SLC24A2: variants seen among roughly 807,000 people sequenced by gnomAD.
SLC24A2 encodes the protein sodium/potassium/calcium exchanger 2.
SLC24A2 carries 36 observed loss-of-function variants against 62.0 expected under a neutral mutation model. That is an observed-to-expected ratio of 0.58 (90% CI 0.44 to 0.77). The LOEUF (loss-of-function observed/expected upper bound fraction) is 0.77, where lower values mean the gene tolerates loss of function less well. Among genes scored for constraint, SLC24A2 ranks in the 30% least tolerant of loss-of-function variants. The pLI, the probability that SLC24A2 is intolerant of heterozygous loss-of-function variation, is 0.00. For missense variants in SLC24A2, 846 were observed against 817.9 expected (o/e 1.03, Z -0.42); for synonymous variants, 358 against 294.0 (o/e 1.22, Z -2.23).
chr9:19,857,821 G>A, the SLC24A2 span, among the ~76,000 whole-genome samples: 1 of 151,206 alleles, frequency 6.6e-6, no homozygotes, highest in Non-Finnish European at 1.5e-5. Flanking sequence ...TATCATCTGT[G>A]GATAAAGAGT....
intron 7 of SLC24A2, among the ~76,000 whole-genome samples, 194 bp from the exon 8 acceptor site, chr9:19,550,462 A>T (rs940732156): frequency 5.9e-5 from 9 of 152,218 alleles, no homozygotes; most frequent in Admixed American, 5.2e-4. Context: ...TTGTCCAGCC[A>T]TGAGCATGTA....
At chr9:19,970,079 C>T in the SLC24A2 span, among the ~76,000 whole-genome samples, 4 of 152,202 alleles carry the variant, frequency 2.6e-5, no homozygotes, top group Admixed American at 2.6e-4. Context: ...CTGAGAGCAA[C>T]AGCAAGCAAG....
At chr9:19,823,069 C>G in the SLC24A2 span, among the ~76,000 whole-genome samples, 1 of 152,156 alleles carries the variant, frequency 6.6e-6, no homozygotes, top group African/African-American at 2.4e-5. Flanking sequence ...CTAGTCCCTT[C>G]TGGGCATCTG....
chr9:19,904,646 T>C, the SLC24A2 span, among the ~76,000 whole-genome samples: 18 of 152,228 alleles, frequency 1.2e-4, no homozygotes, highest in Non-Finnish European at 2.1e-4. Context: ...TCATTACTCA[T>C]GATTCTTCTC....
chr9:19,573,041 C>T (rs1204433704), intron 7 of SLC24A2, among the ~76,000 whole-genome samples: 1 of 152,192 alleles, frequency 6.6e-6, no homozygotes, highest in Non-Finnish European at 1.5e-5. Flanking sequence ...GATCCTGTTT[C>T]ACCACACCTG....
the SLC24A2 span, among the ~76,000 whole-genome samples, chr9:19,865,125 G>A: frequency 4.3e-3 from 651 of 151,958 alleles, 6 homozygotes; most frequent in African/African-American, 0.014. Flanking sequence ...CGACTTAACC[G>A]AATGAATGAA....
intron 7 of SLC24A2, among the ~76,000 whole-genome samples, chr9:19,570,200 A>C (rs1835798087): frequency 6.6e-6 from 1 of 152,272 alleles, no homozygotes. Context: ...TCTAGTGGAT[A>C]TCTCCTTACT....
chr9:19,888,634 C>T, the SLC24A2 span, among the ~76,000 whole-genome samples: 13 of 151,968 alleles, frequency 8.6e-5, no homozygotes, highest in Non-Finnish European at 1.3e-4. Flanking sequence ...GACCTAATTC[C>T]GAGAAATTTT....
intron 8 of SLC24A2, among the ~76,000 whole-genome samples, chr9:19,539,021 G>C (rs1369456627): frequency 1.8e-5 from 2 of 112,260 alleles, no homozygotes; most frequent in East Asian, 5.3e-4. Context: ...TCTGATGGTA[G>C]TTTGTATTTC....
chr9:19,792,703 C>G (rs950051150), upstream of SLC24A2, among the ~76,000 whole-genome samples: 3 of 86,160 alleles, frequency 3.5e-5, no homozygotes, highest in African/African-American at 7.8e-5. Flanking sequence ...AACAAAACTC[C>G]ATCTCAAAAA....
chr9:19,931,920 TTTA>T, the SLC24A2 span, among the ~76,000 whole-genome samples: 1 of 152,004 alleles, frequency 6.6e-6, no homozygotes, highest in African/African-American at 2.4e-5. Flanking sequence ...TTTAATTTTA[TTTA>T]TTATTATTAT....
At position 19,786,988 on chromosome 9, in the gene SLC24A2, T is replaced by C. The variant is rs1165459080; in HGVS notation, c.-122A>G. The stretch of plus-strand genomic sequence containing the variant: ...GGGGTACTTTCACAATCAGGGATTG[T>C]TATGCTTCACAGGAAACTTTCATCA... On this transcript the variant is annotated 5_prime_UTR_variant, in exon 2 of 11. It removes the in-frame stop codon of an upstream open reading frame in the 5' UTR. Transcript: ENST00000341998. The surrounding 1 kb of genome is among the most constrained non-coding windows in gnomAD (Gnocchi z 5.0). 1.4e-6 allele frequency: 2 copies of C among 1,457,972 alleles called. No homozygotes were observed. The highest frequency in any genetic ancestry group is 1.8e-6 in the Non-Finnish European group (2 of 1,109,780). The allele number at this position is 1,457,972 out of a possible 1,614,324, so 90.3% of individuals were successfully genotyped here.
the SLC24A2 span, among the ~76,000 whole-genome samples, chr9:20,039,917 G>C: frequency 6.6e-6 from 1 of 152,212 alleles, no homozygotes; most frequent in Non-Finnish European, 1.5e-5. Context: ...AGCTTAGGCA[G>C]AGGTCAAATG....
the SLC24A2 span, among the ~76,000 whole-genome samples, chr9:19,990,075 T>G: frequency 0.029 from 4,464 of 152,264 alleles, 107 homozygotes; most frequent in Middle Eastern, 0.099. Flanking sequence ...ATGACTAAAA[T>G]TATAAACATT....
intron 2 of SLC24A2, among the ~76,000 whole-genome samples, chr9:19,682,399 G>A (rs1819748917): frequency 6.6e-6 from 1 of 152,086 alleles, no homozygotes; most frequent in East Asian, 1.9e-4. Flanking sequence ...AATTGCTAAT[G>A]GATAGTAGCA....
At chr9:19,637,241 C>T (rs1818381632) in intron 2 of SLC24A2, among the ~76,000 whole-genome samples, 1 of 152,240 alleles carries the variant, frequency 6.6e-6, no homozygotes, top group South Asian at 2.1e-4. Flanking sequence ...TTAGTTCAAG[C>T]TCTTCAGGAA....
chr9:19,615,381 C>A (rs536712027), intron 4 of SLC24A2, among the ~76,000 whole-genome samples: 1 of 152,324 alleles, frequency 6.6e-6, no homozygotes, highest in East Asian at 1.9e-4. Flanking sequence ...ATGTAACTAG[C>A]ATGCTCTTTG....
chr9:19,864,727 TATC>T, the SLC24A2 span, among the ~76,000 whole-genome samples: 1 of 152,038 alleles, frequency 6.6e-6, no homozygotes, highest in African/African-American at 2.4e-5. Flanking sequence ...GAACAGCTAG[TATC>T]ATATTGAATG....
chr9:20,033,117 G>A, the SLC24A2 span, among the ~76,000 whole-genome samples: 7 of 152,284 alleles, frequency 4.6e-5, no homozygotes, highest in East Asian at 1.3e-3. Context: ...TCTTAAATAA[G>A]CAGTTAAAGG....
Sources: allele counts gnomAD v4.1 joint callset (sites outside exome capture counted in the v4.1 genomes callset), GRCh38; gene constraint gnomAD v4.1.1; non-coding constraint Gnocchi (gnomAD v3.1); transcripts MANE v1.5; gene names NCBI Gene and HGNC (gene_info 2026-07-23, HGNC 2026-07-21).